The following ANK3 variants were observed in gnomAD, a reference collection of about 807,000 sequenced individuals.
The protein encoded by ANK3 is ankyrin-3.
In ANK3, 57 loss-of-function variants were observed where a neutral mutation model predicts 370.9. That is an observed-to-expected ratio of 0.15 (90% confidence interval 0.12 to 0.19). The LOEUF is 0.19. Among genes scored for constraint, ANK3 ranks in the 10% least tolerant of loss-of-function variants. The pLI is 1.00. For missense variants in ANK3, 4,439 were observed against 5,302.1 expected (o/e 0.84, Z 5.06); for synonymous variants, 1,929 against 1,946.3 (o/e 0.99, Z 0.23).
At chr10:60,046,161 C>G (rs1286804757) in intron 42 of ANK3, among the ~76,000 whole-genome samples, 1 of 152,128 alleles carries the variant, frequency 6.6e-6, no homozygotes, top group African/African-American at 2.4e-5. Context: ...TGTAAATACA[C>G]TAAAATTTGC....
At chr10:60,239,134 G>A (rs566988547) in intron 7 of ANK3, among the ~76,000 whole-genome samples, 12 of 152,076 alleles carry the variant, frequency 7.9e-5, no homozygotes, top group Non-Finnish European at 1.5e-4. Flanking sequence ...AGAAAGAACA[G>A]AGCCTCCAAG....
chr10:60,688,002 A>G (rs1380032474), intron 1 of ANK3, among the ~76,000 whole-genome samples: 1 of 152,244 alleles, frequency 6.6e-6, no homozygotes, highest in Non-Finnish European at 1.5e-5. Context: ...TGAGGCACCT[A>G]AAATAGTGAA....
chr10:60,043,262 C>T, intron 42 of ANK3: 1 of 985,500 alleles, frequency 1.0e-6, no homozygotes, highest in Non-Finnish European at 1.2e-6. Flanking sequence ...CACTGAGCAT[C>T]AGGAATACAG....
intron 1 of ANK3, among the ~76,000 whole-genome samples, chr10:60,387,050 C>T (rs887753179): frequency 6.6e-6 from 1 of 151,846 alleles, no homozygotes; most frequent in Admixed American, 6.6e-5. Flanking sequence ...ATCTCAGCTA[C>T]TAAGGAGGCT....
At chr10:60,693,601 C>A (rs911774657) in intron 1 of ANK3, among the ~76,000 whole-genome samples, 38 of 152,314 alleles carry the variant, frequency 2.5e-4, no homozygotes, top group African/African-American at 8.2e-4. Context: ...CCCTGACCCC[C>A]AAGCAGCCTA....
intron 1 of ANK3, among the ~76,000 whole-genome samples, chr10:60,328,337 G>A (rs1451982057): frequency 2.0e-5 from 3 of 152,110 alleles, no homozygotes; most frequent in African/African-American, 7.2e-5. Context: ...AAGTGTTATT[G>A]CTAAAGAAAT....
intron 2 of ANK3, among the ~76,000 whole-genome samples, chr10:60,598,347 A>C (rs1252781264): frequency 6.6e-6 from 1 of 152,204 alleles, no homozygotes; most frequent in Non-Finnish European, 1.5e-5. Flanking sequence ...CCTTCTCTTT[A>C]ACTCCTCAGT....
In ANK3 at chr10:60,263,908, G is replaced by A. The variant is rs1196523308; in HGVS notation, c.626C>T (p.Ala209Val). ...GKVRLPALHI[A>V]ARKDDTKAAA... ...GGCTTTCGTGTCGTCTTTTCGGGCC[G>A]CGATATGAAGAGCTGGGAGACGCAC... The change falls in exon 6 of 44, where the codon GCG (alanine) becomes GTG (valine). Residue 209 changes from alanine to valine, a missense_variant. Ala to Val is a moderately conservative substitution (Grantham distance 64). This residue lies in a region of ANK3 where 136 missense variants were observed against 230.5 expected (regional missense o/e 0.59). Transcript: ENST00000280772. 4 of 1,614,028 alleles carry A rather than the reference G, an allele frequency of 2.5e-6. No homozygotes were observed. The highest frequency in any genetic ancestry group is 2.2e-5 in the East Asian group (1 of 44,868).
At chr10:60,348,589 A>T (rs1243003745) in intron 1 of ANK3, among the ~76,000 whole-genome samples, 1 of 152,188 alleles carries the variant, frequency 6.6e-6, no homozygotes, top group Non-Finnish European at 1.5e-5. Context: ...ATACAAATAC[A>T]TTACCCACTT....
intron 26 of ANK3, chr10:60,111,909 C>A: frequency 5.1e-6 from 2 of 393,816 alleles, no homozygotes; most frequent in Non-Finnish European, 9.9e-6. Context: ...GTGGGACAAC[C>A]TAGAAAAATA....
chr10:60,491,803 T>C (rs754212921), intron 2 of ANK3, among the ~76,000 whole-genome samples: 1 of 152,200 alleles, frequency 6.6e-6, no homozygotes, highest in Non-Finnish European at 1.5e-5. Context: ...TTGGTACCTC[T>C]GAGTCCTTGG....
chr10:60,622,402 C>T (rs12411920), intron 1 of ANK3, among the ~76,000 whole-genome samples: 18,488 of 151,940 alleles, frequency 0.12, 1,595 homozygotes, highest in East Asian at 0.27. Flanking sequence ...ACCACCACAC[C>T]CAGCTAGTTA....
intron 2 of ANK3, among the ~76,000 whole-genome samples, chr10:60,554,424 AT>A (rs754572782): frequency 2.0e-5 from 3 of 152,166 alleles, no homozygotes; most frequent in Non-Finnish European, 4.4e-5. Flanking sequence ...GAACGAGCCT[AT>A]AGTGCAAAAT....
At chr10:60,675,264 C>A (rs2079110384) in intron 1 of ANK3, among the ~76,000 whole-genome samples, 1 of 152,120 alleles carries the variant, frequency 6.6e-6, no homozygotes, top group Admixed American at 6.5e-5. Context: ...ATTGCTCTAG[C>A]CTACATATTT....
intron 1 of ANK3, among the ~76,000 whole-genome samples, chr10:60,713,112 G>A (rs1564606021): frequency 6.6e-6 from 1 of 152,152 alleles, no homozygotes; most frequent in Non-Finnish European, 1.5e-5. Context: ...ACTGCACCTA[G>A]TTGATATTCA....
intron 1 of ANK3, among the ~76,000 whole-genome samples, chr10:60,333,874 A>G (rs532699806): frequency 1.3e-5 from 2 of 152,316 alleles, no homozygotes; most frequent in South Asian, 4.1e-4. Flanking sequence ...TCTTTTCTAC[A>G]GATGAACCCA....
chr10:60,228,129 C>T (rs557697999), intron 8 of ANK3, among the ~76,000 whole-genome samples: 52 of 152,252 alleles, frequency 3.4e-4, no homozygotes, highest in East Asian at 2.1e-3. Context: ...CTGCATATTA[C>T]GCCATCATAG....
chr10:60,249,016 A>C (rs1357625557), intron 7 of ANK3, among the ~76,000 whole-genome samples: 3 of 152,120 alleles, frequency 2.0e-5, no homozygotes, highest in Non-Finnish European at 4.4e-5. Context: ...GGCTAGTTCA[A>C]CTCTTTCATT....
At position 60,026,972 on chromosome 10, in the gene ANK3, T is replaced by A. The variant is rs1442894513; in HGVS notation, c.*2874A>T. 6.6e-6 allele frequency: 1 copy of A among 152,208 alleles called. No homozygotes were observed. The allele number at this position is 152,208 out of a possible 1,614,324, so 9.4% of individuals were successfully genotyped here. ...GAAATACATAATGTCACATTCAATCTACATATACATGTATAAATATATGCA... is the reference window on the plus strand; with the variant it reads ...GAAATACATAATGTCACATTCAATCAACATATACATGTATAAATATATGCA... On this transcript the variant is annotated 3_prime_UTR_variant, in exon 44 of 44. Transcript: ENST00000280772.
Sources: gnomAD v4.1 joint callset for allele counts (sites outside exome capture counted in the v4.1 genomes callset) on GRCh38, gnomAD v4.1.1 for gene constraint, gnomAD v4.1.1 regional missense constraint, MANE v1.5 for transcripts, NCBI Gene and HGNC (gene_info 2026-07-23, HGNC 2026-07-21) for gene names.